FAM135A: variants seen among roughly 807,000 people sequenced by gnomAD.
The protein encoded by FAM135A is protein FAM135A.
In FAM135A, 79 loss-of-function variants were observed where a neutral mutation model predicts 146.8. That is an observed-to-expected ratio of 0.54 (90% CI 0.45 to 0.65). The LOEUF (loss-of-function observed/expected upper bound fraction) is 0.65. Ranked by LOEUF, FAM135A falls within the 30% of genes least tolerant of loss-of-function variation. FAM135A has a pLI of 0.00. For synonymous variants in FAM135A, 562 were observed against 603.6 expected (o/e 0.93, Z 1.01); for missense variants, 1,623 against 1,758.2 (o/e 0.92, Z 1.38).
At chr6:70,512,633 A>G (rs1791266548) in intron 12 of FAM135A, among the ~76,000 whole-genome samples, 3 of 151,552 alleles carry the variant, frequency 2.0e-5, no homozygotes, top group Admixed American at 6.6e-5. Context: ...TTATGACTTT[A>G]GTTTTGTAAA....
At chr6:70,542,121 C>T (rs1798031182) in intron 20 of FAM135A, among the ~76,000 whole-genome samples, 1 of 152,092 alleles carries the variant, frequency 6.6e-6, no homozygotes, top group African/African-American at 2.4e-5. Flanking sequence ...AATATCAAAC[C>T]ATATTGGTCT....
intron 4 of FAM135A, among the ~76,000 whole-genome samples, chr6:70,446,108 T>G (rs1181946504): frequency 6.6e-6 from 1 of 152,250 alleles, no homozygotes; most frequent in Non-Finnish European, 1.5e-5. Flanking sequence ...GGCATTAAGG[T>G]CAGGTGTACC....
At chr6:70,441,978 C>T (rs1162086175) in intron 4 of FAM135A, among the ~76,000 whole-genome samples, 1 of 152,130 alleles carries the variant, frequency 6.6e-6, no homozygotes, top group Non-Finnish European at 1.5e-5. Context: ...TCACCATGCT[C>T]CACCACAAAT....
At position 70,428,432 on chromosome 6, in the gene FAM135A, T is replaced by C. The variant is rs768893298; in HGVS notation, c.77+13T>C. On this transcript the variant is annotated intron_variant, in intron 4 of 21. Coordinates refer to ENST00000418814, the MANE Select transcript of FAM135A (RefSeq NM_001162529.3). The stretch of plus-strand genomic sequence containing the variant: ...TGTTTCAGAGAGGGTATGTATTTTA[T>C]TGTGAAAATGATATATTTTGCATAA... The C allele has an allele frequency of 5.2e-5, 82 of 1,569,196 alleles. No homozygotes were observed. In the East Asian group the frequency reaches 1.6e-3, roughly 30 times the overall value.
intron 3 of FAM135A, 24 bp from the exon 4 acceptor site, chr6:70,428,280 A>AT (rs1770668147): frequency 3.3e-6 from 4 of 1,209,236 alleles, no homozygotes; most frequent in South Asian, 3.1e-5. Context: ...GCTTCTCATG[A>AT]TTTTTTCCCT....
Position 70,561,078 on chromosome 6 carries a change from GTATT to G in FAM135A, c.*1162_*1165del, listed in dbSNP as rs1264903786. The G allele has an allele frequency of 1.3e-5, 2 of 152,572 alleles. No individual in the cohort carries two copies. Among genetic ancestry groups the G allele is most frequent in the Middle Eastern group, 3.2e-3 (1 of 316 alleles). The allele number at this position is 152,572 out of a possible 1,614,324, so 9.5% of individuals were successfully genotyped here. A position where few individuals can be genotyped will look rare whatever the true frequency, so the allele number is the denominator to read the frequency against. On this transcript the variant is annotated 3_prime_UTR_variant, in exon 22 of 22. Transcript: ENST00000418814. ...TTGTGACAGACAGAGGTTTTTGTAA[GTATT>G]TATTGTACAATTGATGCATGTTTAT... is the stretch of plus-strand genomic sequence containing the variant.
At chr6:70,509,479 T>C (rs1790513533) in intron 12 of FAM135A, among the ~76,000 whole-genome samples, 1 of 152,196 alleles carries the variant, frequency 6.6e-6, no homozygotes, top group Non-Finnish European at 1.5e-5. Context: ...AGGATTCATC[T>C]AAAAATTGAA....
At chr6:70,542,047 C>A (rs1798023301) in intron 20 of FAM135A, among the ~76,000 whole-genome samples, 1 of 152,136 alleles carries the variant, frequency 6.6e-6, no homozygotes, top group South Asian at 2.1e-4. Context: ...CCCTTCTCCC[C>A]ATTCTCACTT....
chr6:70,525,955 TAATAA>T lies in FAM135A; in HGVS notation c.2872_2876del (p.Asn958LeufsTer27), dbSNP rs756788305. On this transcript the variant is annotated frameshift_variant, in exon 15 of 22. Transcript: ENST00000418814. LOFTEE classifies it high-confidence loss of function. ...AAGGCTTCCAGAGTCCTGATAAATC[TAATAA>T]CTCTACAGGGACAGCAATTACATTA... is the stretch of plus-strand genomic sequence containing the variant. 1 of 1,613,456 alleles carries T rather than the reference TAATAA, an allele frequency of 6.2e-7. No homozygotes were observed. The highest frequency in any genetic ancestry group is 1.7e-5 in the Admixed American group (1 of 59,954).
chr6:70,478,928 T>G (rs997703309), intron 8 of FAM135A, among the ~76,000 whole-genome samples: 6 of 152,172 alleles, frequency 3.9e-5, no homozygotes, highest in African/African-American at 1.4e-4. Context: ...CAAAGTGTGT[T>G]TTTTGAAATA....
At chr6:70,458,111 A>C (rs1778722634) in intron 5 of FAM135A, among the ~76,000 whole-genome samples, 1 of 143,494 alleles carries the variant, frequency 7.0e-6, no homozygotes, top group Non-Finnish European at 1.5e-5. Context: ...TGAAAATCTC[A>C]CATATGTGAA....
At chr6:70,458,670 T>C (rs1778838665) in intron 5 of FAM135A, among the ~76,000 whole-genome samples, 1 of 152,168 alleles carries the variant, frequency 6.6e-6, no homozygotes, top group African/African-American at 2.4e-5. Context: ...TTATTAAATG[T>C]TAAATTAATA....
chr6:70,475,403 G>T lies in FAM135A; in HGVS notation c.158-7G>T. 6.4e-7 allele frequency: 1 copy of T among 1,564,342 alleles called. No individual in the cohort carries two copies. On this transcript the variant is annotated splice_polypyrimidine_tract_variant and splice_region_variant and intron_variant, in intron 5 of 21. Transcript: ENST00000418814. ...TATCTGTCAATTACATATCTTATCT[G>T]TTTTAGGTATGACTTTAGCCTTTCC...
At chr6:70,478,129 A>C (rs1182099327) in intron 8 of FAM135A, among the ~76,000 whole-genome samples, 1 of 152,184 alleles carries the variant, frequency 6.6e-6, no homozygotes, top group Non-Finnish European at 1.5e-5. Context: ...AACCAATTTT[A>C]TGAATTTTTA....
intron 4 of FAM135A, among the ~76,000 whole-genome samples, chr6:70,431,619 G>T (rs912298266): frequency 2.0e-5 from 3 of 152,166 alleles, no homozygotes; most frequent in Admixed American, 6.5e-5. Context: ...ACTTCTTAAT[G>T]GGAGTCACAC....
chr6:70,480,949 A>G lies in FAM135A; in HGVS notation c.591A>G (p.Ala197=). The change falls in exon 9 of 22, where the codon GCA becomes GCG. Residue 197 remains alanine, a synonymous_variant. Transcript: ENST00000418814. ...CTTGGTTAAATAGAAATGCACCAGC[A>G]CAAAACAAAGATTCCGTGATTCCTA... ...KTTWLNRNAP[A]QNKDSVIPTL... The G allele has an allele frequency of 6.2e-7, 1 of 1,612,986 alleles. No individual in the cohort carries two copies. Among genetic ancestry groups the G allele is most frequent in the South Asian group, 1.1e-5 (1 of 90,928 alleles).
chr6:70,489,576 A>G lies in FAM135A; in HGVS notation c.824-1458A>G, dbSNP rs560316897. On this transcript the variant is annotated intron_variant, in intron 10 of 21. Transcript: ENST00000418814. ...AGCAGCAGAATTTATTTAAAGAGAC[A>G]GTAGTATACTCTGAAAGATAAAGCA... 5.9e-5 allele frequency among the ~76,000 whole-genome samples: 9 copies of G among 152,204 alleles called. No individual in the cohort carries two copies. The South Asian group carries it at 1.9e-3, about 31-fold the overall frequency.
At chr6:70,436,615 T>C (rs1417956770) in intron 4 of FAM135A, among the ~76,000 whole-genome samples, 1 of 151,918 alleles carries the variant, frequency 6.6e-6, no homozygotes, top group African/African-American at 2.4e-5. Flanking sequence ...GTTGGCGATA[T>C]GAAAAAAAAA....
chr6:70,526,773 AC>A, intron 15 of FAM135A, 75 bp downstream of exon 15: 1 of 662,980 alleles, frequency 1.5e-6, no homozygotes, highest in East Asian at 2.8e-5. Context: ...ACATACACAC[AC>A]ACACACACAC....
Sources: gnomAD v4.1 joint callset for allele counts (sites outside exome capture counted in the v4.1 genomes callset) on GRCh38, gnomAD v4.1.1 for gene constraint, MANE v1.5 for transcripts, NCBI Gene and HGNC (gene_info 2026-07-23, HGNC 2026-07-21) for gene names.